OLFM3: variants seen among roughly 807,000 people sequenced by gnomAD.
OLFM3 encodes noelin-3.
In OLFM3, 20 loss-of-function variants were observed where a neutral mutation model predicts 48.6. The observed-to-expected ratio is 0.41, with a 90% CI of 0.29 to 0.60. The LOEUF is 0.60. OLFM3 is among the 20% of genes least tolerant of loss of function. OLFM3 has a pLI of 0.28. For missense variants in OLFM3, 437 were observed against 544.3 expected (o/e 0.80, Z 1.96); for synonymous variants, 222 against 198.1 (o/e 1.12, Z -1.01).
chr1:101,959,019 G>A (rs1490762476), intron 1 of OLFM3, among the ~76,000 whole-genome samples: 1 of 151,756 alleles, frequency 6.6e-6, no homozygotes, highest in Non-Finnish European at 1.5e-5. Context: ...CTAAAACTTT[G>A]TACCCTTTGA....
At chr1:101,977,659 C>T (rs1397964190) in intron 1 of OLFM3, among the ~76,000 whole-genome samples, 4 of 152,118 alleles carry the variant, frequency 2.6e-5, no homozygotes, top group East Asian at 1.9e-4. Context: ...TTTAAAATGG[C>T]GTCCTTTCAC....
intron 1 of OLFM3, among the ~76,000 whole-genome samples, chr1:101,852,843 C>T (rs2100950695): frequency 6.6e-6 from 1 of 152,148 alleles, no homozygotes; most frequent in East Asian, 1.9e-4. Flanking sequence ...TCTTTTCCTC[C>T]ACATCTCTTA....
chr1:101,932,544 G>A (rs1042444334), intron 1 of OLFM3, among the ~76,000 whole-genome samples: 1 of 152,092 alleles, frequency 6.6e-6, no homozygotes, highest in Non-Finnish European at 1.5e-5. Context: ...TGACACTGTG[G>A]GAAGAGAAAC....
At chr1:101,937,837 C>T (rs1431176540) in intron 1 of OLFM3, among the ~76,000 whole-genome samples, 1 of 152,172 alleles carries the variant, frequency 6.6e-6, no homozygotes, top group Admixed American at 6.5e-5. Flanking sequence ...TCTGGTTCTC[C>T]TTAATTGCAT....
chr1:101,830,861 T>A, intron 2 of OLFM3, 34 bp from the exon 3 acceptor site: 1 of 1,596,366 alleles, frequency 6.3e-7, no homozygotes, highest in Non-Finnish European at 8.5e-7. Flanking sequence ...TACATTATTA[T>A]CTGTTTGCAG....
intron 1 of OLFM3, among the ~76,000 whole-genome samples, chr1:101,904,694 A>T (rs557544511): frequency 4.3e-4 from 66 of 152,148 alleles, no homozygotes; most frequent in African/African-American, 1.4e-3. Flanking sequence ...TTCCAAAGAG[A>T]TTTTCTTCCT....
intron 1 of OLFM3, among the ~76,000 whole-genome samples, chr1:101,904,815 G>A (rs990833282): frequency 6.6e-6 from 1 of 152,038 alleles, no homozygotes; most frequent in Non-Finnish European, 1.5e-5. Flanking sequence ...AAAATGCTGA[G>A]ATGAATTCTC....
intron 3 of OLFM3, among the ~76,000 whole-genome samples, chr1:101,828,151 C>T (rs1359897322): frequency 6.6e-6 from 1 of 151,948 alleles, no homozygotes; most frequent in Non-Finnish European, 1.5e-5. Flanking sequence ...GCCTCCCCAG[C>T]CATGCAGAAC....
chr1:101,984,059 G>A (rs1205536479), intron 1 of OLFM3, among the ~76,000 whole-genome samples: 1 of 151,984 alleles, frequency 6.6e-6, no homozygotes, highest in African/African-American at 2.4e-5. Context: ...GGCCAGCCTG[G>A]GCAACATGGC....
chr1:101,867,039 T>G (rs1329749251), intron 1 of OLFM3, among the ~76,000 whole-genome samples: 2 of 152,176 alleles, frequency 1.3e-5, no homozygotes, highest in African/African-American at 4.8e-5. Context: ...AGCATTATGA[T>G]ACTACATTTA....
chr1:101,991,700 G>A (rs949342063), intron 1 of OLFM3, among the ~76,000 whole-genome samples: 10 of 149,882 alleles, frequency 6.7e-5, no homozygotes, highest in Non-Finnish European at 1.0e-4. Flanking sequence ...AGTAGGAAAC[G>A]TGTTGGTTTT....
At chr1:101,932,162 A>G (rs992202863) in intron 1 of OLFM3, among the ~76,000 whole-genome samples, 5 of 152,040 alleles carry the variant, frequency 3.3e-5, no homozygotes, top group Admixed American at 3.3e-4. Flanking sequence ...TGACTAATTG[A>G]CTAGTTGCAG....
chr1:101,839,038 G>A (rs1368517248), intron 1 of OLFM3, among the ~76,000 whole-genome samples: 1 of 152,162 alleles, frequency 6.6e-6, no homozygotes, highest in African/African-American at 2.4e-5. Flanking sequence ...TATTGGGGAT[G>A]CTAAAAATTA....
intron 1 of OLFM3, among the ~76,000 whole-genome samples, chr1:101,974,596 C>T (rs1297595648): frequency 6.6e-6 from 1 of 152,098 alleles, no homozygotes; most frequent in Non-Finnish European, 1.5e-5. Context: ...ATAGTGTCCT[C>T]TCAATGTATT....
At position 101,950,945 on chromosome 1, in the gene OLFM3, T is replaced by A. The variant is rs568941386; in HGVS notation, c.69+45803A>T. The stretch of plus-strand genomic sequence containing the variant: ...GCAAACATGGGCAAGTAATGTAAAC[T>A]CTCGATGTCCCAGTTTCTCTATTTG... On this transcript the variant is annotated intron_variant, in intron 1 of 5. Transcript: ENST00000370103. Among the ~76,000 whole-genome samples the A allele has an allele frequency of 3.3e-5, 5 of 152,232 alleles. No individual in the cohort carries two copies. The South Asian group carries it at 1.0e-3, about 32-fold the overall frequency.
intron 1 of OLFM3, among the ~76,000 whole-genome samples, chr1:101,861,214 A>C (rs1207586817): frequency 6.6e-6 from 1 of 151,940 alleles, no homozygotes; most frequent in Admixed American, 6.6e-5. Context: ...GGCACCCACC[A>C]CAGCACCTGG....
chr1:101,808,922 T>TAG (rs1653915224), intron 4 of OLFM3, among the ~76,000 whole-genome samples: 1 of 151,756 alleles, frequency 6.6e-6, no homozygotes, highest in South Asian at 2.1e-4. Context: ...CTAAGAGATT[T>TAG]GTATAATATA....
At chr1:101,905,696 A>G (rs1658527108) in intron 1 of OLFM3, among the ~76,000 whole-genome samples, 1 of 152,132 alleles carries the variant, frequency 6.6e-6, no homozygotes, top group African/African-American at 2.4e-5. Context: ...GGCTTTCAGA[A>G]TTGTGATTGG....
At chr1:101,996,134 C>G (rs1349444531) in intron 1 of OLFM3, among the ~76,000 whole-genome samples, 8 of 152,110 alleles carry the variant, frequency 5.3e-5, no homozygotes. Flanking sequence ...CACTGATAAT[C>G]AGAACTTCCT....
Sources: allele counts gnomAD v4.1 joint callset (sites outside exome capture counted in the v4.1 genomes callset), GRCh38; gene constraint gnomAD v4.1.1; transcripts MANE v1.5; gene names NCBI Gene and HGNC (gene_info 2026-07-23, HGNC 2026-07-21).